Variants in BMAL2 observed in about 807,000 individuals in gnomAD.
The protein encoded by BMAL2 is basic helix-loop-helix ARNT-like protein 2.
chr12:27,351,814 G>A, the BMAL2 span, among the ~76,000 whole-genome samples: 1 of 152,146 alleles, frequency 6.6e-6, no homozygotes, highest in African/African-American at 2.4e-5. Flanking sequence ...TGGGAACGGC[G>A]AGTAACAATC....
At chr12:27,414,036 G>C in the BMAL2 span, among the ~76,000 whole-genome samples, 3 of 151,580 alleles carry the variant, frequency 2.0e-5, no homozygotes. Context: ...GCAAGACCCT[G>C]TCTTGAAAAA....
the BMAL2 span, among the ~76,000 whole-genome samples, chr12:27,412,395 G>C: frequency 2.0e-5 from 3 of 152,166 alleles, no homozygotes; most frequent in African/African-American, 4.8e-5. Flanking sequence ...TCAAGTAGTA[G>C]AGGAACTTAA....
At chr12:27,333,467 C>CGCGTCG in the BMAL2 span, among the ~76,000 whole-genome samples, 1 of 152,258 alleles carries the variant, frequency 6.6e-6, no homozygotes, top group African/African-American at 2.4e-5. Context: ...GCTGGGCGCC[C>CGCGTCG]GCGTCGGCGT....
the BMAL2 span, among the ~76,000 whole-genome samples, chr12:27,359,422 C>T: frequency 6.6e-6 from 1 of 152,172 alleles, no homozygotes; most frequent in Non-Finnish European, 1.5e-5. Flanking sequence ...GGCATGGTGG[C>T]TCATGCCTAT....
the BMAL2 span, among the ~76,000 whole-genome samples, chr12:27,405,138 A>G: frequency 0.37 from 56,986 of 152,082 alleles, 11,300 homozygotes; most frequent in East Asian, 0.59. Context: ...AGCTCAAGGA[A>G]GCCTGCCTGC....
chr12:27,420,300 A>AT, the BMAL2 span: 6 of 1,531,888 alleles, frequency 3.9e-6, no homozygotes, highest in South Asian at 2.3e-5. Flanking sequence ...TTGCTTTGCC[A>AT]TTTTTTATCA....
the BMAL2 span, among the ~76,000 whole-genome samples, chr12:27,350,591 G>T: frequency 6.6e-6 from 1 of 152,222 alleles, no homozygotes; most frequent in Admixed American, 6.5e-5. Context: ...GAAGGGCTGT[G>T]TACATGGCTC....
the BMAL2 span, among the ~76,000 whole-genome samples, chr12:27,350,015 G>C: frequency 6.6e-6 from 1 of 152,132 alleles, no homozygotes; most frequent in Admixed American, 6.5e-5. Flanking sequence ...CTGACCAGTG[G>C]ATATTTGATG....
chr12:27,403,959 T>C, the BMAL2 span, among the ~76,000 whole-genome samples: 1 of 151,424 alleles, frequency 6.6e-6, no homozygotes, highest in Non-Finnish European at 1.5e-5. Context: ...GTCTAGAAAT[T>C]TGAGACAAGC....
chr12:27,407,837 C>T, the BMAL2 span, among the ~76,000 whole-genome samples: 8 of 151,798 alleles, frequency 5.3e-5, no homozygotes, highest in East Asian at 9.7e-4. Flanking sequence ...AAAAATTGAT[C>T]GACCGCTAGC....
the BMAL2 span, among the ~76,000 whole-genome samples, chr12:27,363,581 C>T: frequency 6.6e-6 from 1 of 152,170 alleles, no homozygotes; most frequent in African/African-American, 2.4e-5. Flanking sequence ...AGTATCTTTT[C>T]ATCCATGTGT....
At chr12:27,372,035 C>T in the BMAL2 span, among the ~76,000 whole-genome samples, 1 of 152,126 alleles carries the variant, frequency 6.6e-6, no homozygotes, top group Admixed American at 6.5e-5. Flanking sequence ...TTGCAACCAG[C>T]CTGGGCAACA....
At chr12:27,412,475 G>A in the BMAL2 span, among the ~76,000 whole-genome samples, 6 of 152,166 alleles carry the variant, frequency 3.9e-5, no homozygotes, top group Non-Finnish European at 5.9e-5. Context: ...TGATTGTAAA[G>A]AGATGAGGGG....
chr12:27,400,388 C>A, the BMAL2 span: 1 of 640,322 alleles, frequency 1.6e-6, no homozygotes, highest in Non-Finnish European at 2.4e-6. Flanking sequence ...GATATCTTTT[C>A]AATGGAATAC....
the BMAL2 span, among the ~76,000 whole-genome samples, chr12:27,360,803 C>CAAAAAAAAA: frequency 9.0e-4 from 42 of 46,792 alleles, 5 homozygotes; most frequent in Non-Finnish European, 1.3e-3. Flanking sequence ...GTGATTTGTC[C>CAAAAAAAAA]AAAAAAAAAA....
chr12:27,402,983 AGAC>A, the BMAL2 span, among the ~76,000 whole-genome samples: 1 of 152,230 alleles, frequency 6.6e-6, no homozygotes, highest in African/African-American at 2.4e-5. Context: ...GCTTTCCAGT[AGAC>A]AGTTCTTTAA....
the BMAL2 span, chr12:27,420,846 T>A: frequency 4.8e-6 from 1 of 206,986 alleles, no homozygotes. Flanking sequence ...TTATTTTTGA[T>A]GCAGTTTTTT....
At chr12:27,373,251 C>T in the BMAL2 span, among the ~76,000 whole-genome samples, 1 of 152,110 alleles carries the variant, frequency 6.6e-6, no homozygotes. Flanking sequence ...TGATTGTTCA[C>T]TGGGGAGAGG....
At chr12:27,404,911 T>C in the BMAL2 span, among the ~76,000 whole-genome samples, 135 of 152,300 alleles carry the variant, frequency 8.9e-4, no homozygotes, top group South Asian at 1.7e-3. Context: ...AACACTGCAC[T>C]TTTCCAATGG....
Sources: allele counts gnomAD v4.1 joint callset (sites outside exome capture counted in the v4.1 genomes callset), GRCh38; gene constraint gnomAD v4.1.1; transcripts MANE v1.5; gene names NCBI Gene and HGNC (gene_info 2026-07-23, HGNC 2026-07-21).